Variants in TMEM108 observed in about 807,000 individuals in gnomAD.
The protein encoded by TMEM108 is cancer/testis antigen 124.
Under a neutral mutation model 35.1 loss-of-function variants are expected in TMEM108, and 12 were observed. That is an observed-to-expected ratio of 0.34 (90% confidence interval 0.22 to 0.55). The LOEUF (loss-of-function observed/expected upper bound fraction) is 0.55, where lower values mean the gene tolerates loss of function less well. Among genes scored for constraint, TMEM108 ranks in the 20% least tolerant of loss-of-function variants. The probability of loss-of-function intolerance (pLI) is 0.89; values close to 1 mark genes in which losing one functional copy is unlikely to be tolerated. For missense variants in TMEM108, 680 were observed against 753.3 expected (o/e 0.90, Z 1.14); for synonymous variants, 287 against 308.6 (o/e 0.93, Z 0.73).
chr3:133,061,624 G>A (rs1943536932), intron 2 of TMEM108, among the ~76,000 whole-genome samples: 1 of 152,216 alleles, frequency 6.6e-6, no homozygotes, highest in African/African-American at 2.4e-5. Flanking sequence ...GGGTACAGAG[G>A]ATTGGACATT....
chr3:133,094,473 C>T (rs895327051), intron 2 of TMEM108, among the ~76,000 whole-genome samples: 25 of 152,078 alleles, frequency 1.6e-4, no homozygotes, highest in Non-Finnish European at 3.1e-4. Flanking sequence ...TAAGACCTGA[C>T]GCATAAATAA....
At chr3:133,270,829 TCACACA>T (rs370143465) in intron 3 of TMEM108, among the ~76,000 whole-genome samples, 2 of 147,218 alleles carry the variant, frequency 1.4e-5, no homozygotes, top group East Asian at 2.0e-4. Flanking sequence ...ACTCACACAC[TCACACA>T]CACACACACC....
rs1006946391 is a variant in TMEM108, at chr3:133,227,192, T to TC, written c.-46-2074_-46-2073insC. On this transcript the variant is annotated intron_variant, in intron 2 of 5. Transcript: ENST00000321871. ...TCTTGGACTAAGGAAGGCCTTTCTT[T>TC]TTTTTTTTTTTTTTTTTTTTGAGAC... 1.8e-3 allele frequency among the ~76,000 whole-genome samples: 18 copies of TC among 10,002 alleles called. No individual in the cohort carries two copies. In the East Asian group the frequency reaches 0.12, roughly 69 times the overall value. The allele number at this position is 10,002 out of a possible 152,430, so 6.6% of individuals were successfully genotyped here. A position where few individuals can be genotyped will look rare whatever the true frequency, so the allele number is the denominator to read the frequency against.
At chr3:133,322,205 C>CA (rs952184711) in intron 3 of TMEM108, among the ~76,000 whole-genome samples, 9 of 150,638 alleles carry the variant, frequency 6.0e-5, no homozygotes, top group South Asian at 2.1e-4. Context: ...AAAATTGAAA[C>CA]AAAAAAAATA....
chr3:133,270,709 G>C (rs1379227290), intron 3 of TMEM108, among the ~76,000 whole-genome samples: 1 of 151,876 alleles, frequency 6.6e-6, no homozygotes, highest in Non-Finnish European at 1.5e-5. Flanking sequence ...CTGCAGCCTG[G>C]CTCCATTCCT....
chr3:133,085,726 T>C (rs967850933), intron 2 of TMEM108, among the ~76,000 whole-genome samples: 2 of 152,188 alleles, frequency 1.3e-5, no homozygotes, highest in Non-Finnish European at 2.9e-5. Flanking sequence ...TGTTGTACTT[T>C]CTTGCTAGAC....
intron 3 of TMEM108, among the ~76,000 whole-genome samples, chr3:133,245,882 T>C (rs1482927811): frequency 6.6e-6 from 1 of 151,844 alleles, no homozygotes; most frequent in Non-Finnish European, 1.5e-5. Context: ...ATAATATTTG[T>C]ATTTAAACCA....
intron 3 of TMEM108, among the ~76,000 whole-genome samples, chr3:133,252,254 T>C (rs1227975596): frequency 6.6e-6 from 1 of 152,192 alleles, no homozygotes; most frequent in African/African-American, 2.4e-5. Flanking sequence ...TGAAAAATTC[T>C]GGGTATGTGA....
At chr3:133,071,042 G>A (rs1378170979) in intron 2 of TMEM108, among the ~76,000 whole-genome samples, 1 of 152,030 alleles carries the variant, frequency 6.6e-6, no homozygotes, top group Non-Finnish European at 1.5e-5. Flanking sequence ...CCAGCATATT[G>A]TACAATGCCT....
At chr3:133,329,874 T>G (rs2071374150) in intron 3 of TMEM108, among the ~76,000 whole-genome samples, 1 of 152,100 alleles carries the variant, frequency 6.6e-6, no homozygotes, top group South Asian at 2.1e-4. Context: ...GGTTATAGGA[T>G]AGTGTGTGGT....
intron 3 of TMEM108, among the ~76,000 whole-genome samples, chr3:133,230,830 A>G (rs139384373): frequency 2.0e-4 from 30 of 152,336 alleles, no homozygotes; most frequent in Non-Finnish European, 3.8e-4. Flanking sequence ...GACAAGACTT[A>G]TCCTATGACG....
intron 2 of TMEM108, among the ~76,000 whole-genome samples, chr3:133,121,403 G>A (rs1059005): frequency 6.6e-6 from 1 of 152,156 alleles, no homozygotes; most frequent in Admixed American, 6.5e-5. Context: ...GCTCTTGACA[G>A]CTCTGGAGCA....
chr3:133,215,296 C>A (rs1476430408), intron 2 of TMEM108, among the ~76,000 whole-genome samples: 1 of 150,572 alleles, frequency 6.6e-6, no homozygotes, highest in Non-Finnish European at 1.5e-5. Flanking sequence ...AAACACTAAA[C>A]AGCATCTCAG....
At chr3:133,063,991 T>G (rs901725786) in intron 2 of TMEM108, among the ~76,000 whole-genome samples, 2 of 152,220 alleles carry the variant, frequency 1.3e-5, no homozygotes, top group Non-Finnish European at 2.9e-5. Flanking sequence ...TATTTCTGAT[T>G]ACTTTGTGCC....
intron 2 of TMEM108, among the ~76,000 whole-genome samples, chr3:133,182,462 A>C (rs1209900719): frequency 6.6e-6 from 1 of 152,178 alleles, no homozygotes; most frequent in Non-Finnish European, 1.5e-5. Flanking sequence ...CATTAGCAAA[A>C]CATGAGAAGG....
intron 3 of TMEM108, among the ~76,000 whole-genome samples, chr3:133,264,222 C>A (rs1306838958): frequency 6.6e-6 from 1 of 151,972 alleles, no homozygotes; most frequent in Non-Finnish European, 1.5e-5. Context: ...CCCAACTGCT[C>A]AAACTCCATG....
intron 3 of TMEM108, among the ~76,000 whole-genome samples, chr3:133,251,081 A>G (rs1946462405): frequency 6.6e-6 from 1 of 152,178 alleles, no homozygotes; most frequent in Non-Finnish European, 1.5e-5. Context: ...GAACTTTCCT[A>G]GGATCTCAGC....
At chr3:133,248,790 C>G (rs994488981) in intron 3 of TMEM108, among the ~76,000 whole-genome samples, 1 of 152,136 alleles carries the variant, frequency 6.6e-6, no homozygotes, top group African/African-American at 2.4e-5. Context: ...GTTGTGCCAT[C>G]CTTATGGCTG....
intron 3 of TMEM108, among the ~76,000 whole-genome samples, chr3:133,329,574 T>G (rs2071369870): frequency 6.6e-6 from 1 of 152,218 alleles, no homozygotes; most frequent in African/African-American, 2.4e-5. Context: ...CAGGTTCATC[T>G]TTGAGCAGCT....
Sources: gnomAD v4.1 joint callset for allele counts (sites outside exome capture counted in the v4.1 genomes callset) on GRCh38, gnomAD v4.1.1 for gene constraint, MANE v1.5 for transcripts, NCBI Gene and HGNC (gene_info 2026-07-23, HGNC 2026-07-21) for gene names.